The following NBEA variants were observed in gnomAD, a reference collection of about 807,000 sequenced individuals.
NBEA encodes the protein lysosomal-trafficking regulator 2.
NBEA carries 44 observed loss-of-function variants against 343.4 expected under a neutral mutation model. That is an observed-to-expected ratio of 0.13 (90% CI 0.10 to 0.16). The LOEUF is 0.16. Among genes scored for constraint, NBEA ranks in the 10% least tolerant of loss-of-function variants. The pLI is 1.00. For missense variants in NBEA, 2,555 were observed against 3,631.3 expected, an observed-to-expected ratio of 0.70 and a Z score of 7.62; for synonymous variants, 1,175 against 1,238.7, an observed-to-expected ratio of 0.95 and a Z score of 1.08.
intron 36 of NBEA, among the ~76,000 whole-genome samples, chr13:35,312,113 A>C (rs1241042057): frequency 1.3e-5 from 2 of 152,216 alleles, no homozygotes; most frequent in Admixed American, 1.3e-4. Flanking sequence ...AGTTAGGAAT[A>C]AGATATAAAT....
intron 16 of NBEA, among the ~76,000 whole-genome samples, chr13:35,121,677 G>A (rs1436922781): frequency 6.6e-6 from 1 of 151,740 alleles, no homozygotes; most frequent in Non-Finnish European, 1.5e-5. Flanking sequence ...TAGATGAAAT[G>A]CAAAGCATAA....
chr13:34,972,683 C>T (rs2060037467), intron 1 of NBEA, among the ~76,000 whole-genome samples: 2 of 152,092 alleles, frequency 1.3e-5, no homozygotes, highest in African/African-American at 4.8e-5. Context: ...GCGCTGTGGT[C>T]TGAGAGACTG....
chr13:35,423,324 G>A (rs867206622), intron 38 of NBEA, among the ~76,000 whole-genome samples: 3 of 152,122 alleles, frequency 2.0e-5, no homozygotes, highest in African/African-American at 7.2e-5. Flanking sequence ...ATTAATTTTT[G>A]TATAAGGTGT....
At chr13:35,355,553 G>A (rs1281798102) in intron 38 of NBEA, among the ~76,000 whole-genome samples, 1 of 152,160 alleles carries the variant, frequency 6.6e-6, no homozygotes, top group Admixed American at 6.6e-5. Context: ...ATTGCAGAAA[G>A]TTCTTTTGAA....
At chr13:35,284,851 ATAG>A (rs1260771483) in intron 34 of NBEA, among the ~76,000 whole-genome samples, 1 of 152,178 alleles carries the variant, frequency 6.6e-6, no homozygotes, top group East Asian at 1.9e-4. Flanking sequence ...AAGTAAAAGA[ATAG>A]TAGAAAATAT....
intron 31 of NBEA, among the ~76,000 whole-genome samples, chr13:35,200,760 G>A (rs1466448953): frequency 1.3e-5 from 2 of 151,746 alleles, no homozygotes. Flanking sequence ...ATAATATAGG[G>A]CCAAAAAAGC....
Position 35,196,083 on chromosome 13 carries a change from A to G in NBEA, c.5147A>G (p.Glu1716Gly), listed in dbSNP as rs961370239. 6.2e-7 allele frequency: 1 copy of G among 1,613,676 alleles called. No individual in the cohort carries two copies. ...TCATCCGAAGTGAAGAAATCACAAGAGAGCTTAACTGAAAATCCTAGTGAA... is the reference window on the plus strand; with the variant it reads ...TCATCCGAAGTGAAGAAATCACAAGGGAGCTTAACTGAAAATCCTAGTGAA... ...TLSSEVKKSQ[E>G]SLTENPSETL... Residue 1716 changes from glutamate (E) to glycine (G), a missense_variant, in exon 31 of 59, where the codon GAG becomes GGG. Physicochemically the swap from Glu to Gly is moderately conservative, Grantham distance 98. Transcript: ENST00000379939.
intron 40 of NBEA, among the ~76,000 whole-genome samples, chr13:35,462,773 G>A (rs1456407312): frequency 1.3e-5 from 2 of 152,084 alleles, no homozygotes; most frequent in Admixed American, 6.5e-5. Context: ...AGGAGAATGG[G>A]ACAGCTACCA....
At chr13:35,336,150 T>C (rs1323666385) in intron 36 of NBEA, among the ~76,000 whole-genome samples, 1 of 151,966 alleles carries the variant, frequency 6.6e-6, no homozygotes, top group Non-Finnish European at 1.5e-5. Flanking sequence ...ATGCAAACCA[T>C]ACAAAATTAG....
chr13:34,952,204 C>A (rs940911579), intron 1 of NBEA, among the ~76,000 whole-genome samples: 5 of 152,118 alleles, frequency 3.3e-5, no homozygotes, highest in African/African-American at 1.2e-4. Flanking sequence ...CCAAAAACAG[C>A]ATGTATGAAG....
intron 41 of NBEA, among the ~76,000 whole-genome samples, chr13:35,527,724 G>T (rs915599663): frequency 6.6e-6 from 1 of 152,196 alleles, no homozygotes; most frequent in African/African-American, 2.4e-5. Context: ...GGGAGCTAGG[G>T]CTTCCAGGGC....
At chr13:35,370,080 G>T (rs1042721066) in intron 38 of NBEA, among the ~76,000 whole-genome samples, 2 of 151,842 alleles carry the variant, frequency 1.3e-5, no homozygotes, top group African/African-American at 4.8e-5. Context: ...ATTTTTTGTT[G>T]TTGTTGTTAA....
In NBEA at chr13:35,665,114, A is replaced by C; in HGVS notation, c.8392A>C (p.Thr2798Pro). 6.3e-7 allele frequency: 1 copy of C among 1,581,846 alleles called. No individual in the cohort carries two copies. The highest frequency in any genetic ancestry group is 8.6e-7 in the Non-Finnish European group (1 of 1,161,546). The change falls in exon 56 of 59, where the codon ACA becomes CCA. Residue 2798 changes from threonine to proline, a missense_variant. Physicochemically the swap from Thr to Pro is conservative, Grantham distance 38 (BLOSUM62 -1). Transcript: ENST00000379939. ...CTATCCGGCACCAAGAGCCGTCCTC[A>C]CAGGCCATGACCATGAAGTTGTCTG... ...SDYPAPRAVL[T>P]GHDHEVVCVS...
intron 41 of NBEA, among the ~76,000 whole-genome samples, chr13:35,513,218 C>A (rs539617101): frequency 6.6e-6 from 1 of 150,450 alleles, no homozygotes; most frequent in South Asian, 2.1e-4. Flanking sequence ...CTCGCTGCAA[C>A]CTCCACCTCC....
intron 38 of NBEA, among the ~76,000 whole-genome samples, chr13:35,378,150 G>A (rs1366787804): frequency 6.6e-6 from 1 of 152,190 alleles, no homozygotes; most frequent in East Asian, 1.9e-4. Context: ...TGTGTATCCA[G>A]GAATAGGCCC....
chr13:35,118,138 A>C, intron 14 of NBEA, 90 bp from the exon 15 acceptor site: 1 of 863,760 alleles, frequency 1.2e-6, no homozygotes, highest in Non-Finnish European at 1.7e-6. Context: ...ACTAACTCTT[A>C]TTTTCTTTTA....
At chr13:35,308,575 T>TGTATATAA (rs2152831859) in intron 35 of NBEA, among the ~76,000 whole-genome samples, 1 of 125,700 alleles carries the variant, frequency 8.0e-6, no homozygotes, top group African/African-American at 3.3e-5. Context: ...TGTATATATA[T>TGTATATAA]GTATATATGT....
rs554111036 is a variant in NBEA, at chr13:35,651,627, T to C, written c.7964-178T>C. Among the ~76,000 whole-genome samples the C allele has an allele frequency of 3.3e-5, 5 of 152,248 alleles. No individual in the cohort carries two copies. The South Asian group carries it at 1.0e-3, about 32-fold the overall frequency. On this transcript the variant is annotated intron_variant, in intron 52 of 58. Coordinates refer to ENST00000379939, the MANE Select transcript of NBEA (RefSeq NM_001385012.1). ...GTACATCGTAAGTGGAAACCTGAAG[T>C]CCCTGTTGTGATTATTTTGTAAGGC...
chr13:35,599,582 AG>A (rs2081961466), intron 47 of NBEA, among the ~76,000 whole-genome samples: 1 of 152,220 alleles, frequency 6.6e-6, no homozygotes, highest in South Asian at 2.1e-4. Flanking sequence ...GGCTTCTAAG[AG>A]GACTAAAACA....
Sources: gnomAD v4.1 joint callset for allele counts (sites outside exome capture counted in the v4.1 genomes callset) on GRCh38, gnomAD v4.1.1 for gene constraint, MANE v1.5 for transcripts, NCBI Gene and HGNC (gene_info 2026-07-23, HGNC 2026-07-21) for gene names.